Variants in ZNF160 observed in about 807,000 individuals in gnomAD.
ZNF160 encodes KRAB zinc finger protein KR18.
In ZNF160, 9 loss-of-function variants were observed where a neutral mutation model predicts 13.1. The ratio of observed to expected loss-of-function variants is 0.69; its 90% confidence interval spans 0.41 to 1.20. ZNF160 has a LOEUF of 1.20. ZNF160 is among the 50% of genes most tolerant of loss of function. The pLI, the probability that ZNF160 is intolerant of heterozygous loss-of-function variation, is 0.01. For missense variants in ZNF160, 838 were observed against 988.0 expected (o/e 0.85, Z 2.04); for synonymous variants, 293 against 333.2 (o/e 0.88, Z 1.31).
intron 1 of ZNF160, among the ~76,000 whole-genome samples, chr19:53,092,166 A>G (rs2085058872): frequency 6.6e-6 from 1 of 152,248 alleles, no homozygotes; most frequent in Admixed American, 6.5e-5. Context: ...CATAGATTAC[A>G]ATATTTAAAT....
rs950532331 is a variant in ZNF160, at chr19:53,071,207, A to T, written c.272-945T>A. ...CAAGACTCCGTCAAAAAATAAAAAT[A>T]AAAAAATTAGTTTGGCATGCTGGCA... On this transcript the variant is annotated intron_variant, in intron 5 of 5. Coordinates refer to ENST00000683776, the MANE Select transcript of ZNF160 (RefSeq NM_001322131.2). Among the ~76,000 whole-genome samples, 4 of 151,962 alleles carry T rather than the reference A, an allele frequency of 2.6e-5. 1 individual carries two copies. In the East Asian group the frequency reaches 7.7e-4, roughly 29 times the overall value.
chr19:53,078,613 G>GA (rs1421855231), intron 3 of ZNF160, among the ~76,000 whole-genome samples: 1 of 151,644 alleles, frequency 6.6e-6, no homozygotes, highest in African/African-American at 2.4e-5. Context: ...TGTCAAAAAA[G>GA]AAAAGAAAAG....
intron 1 of ZNF160, among the ~76,000 whole-genome samples, chr19:53,099,182 TAG>T (rs1330664509): frequency 2.0e-5 from 3 of 152,044 alleles, no homozygotes; most frequent in Non-Finnish European, 4.4e-5. Context: ...AGTAACGTGG[TAG>T]AGACTGACAG....
chr19:53,079,244 T>C (rs541216709), intron 3 of ZNF160, among the ~76,000 whole-genome samples: 2 of 152,200 alleles, frequency 1.3e-5, no homozygotes, highest in South Asian at 4.2e-4. Flanking sequence ...AAATTCAACA[T>C]AGTTCATGAT....
Position 53,069,373 on chromosome 19 carries a change from A to T in ZNF160, c.1161T>A (p.His387Gln), listed in dbSNP as rs1445035946. 6.2e-7 allele frequency: 1 copy of T among 1,614,064 alleles called. No homozygotes were observed. Among genetic ancestry groups the T allele is most frequent in the Admixed American group, 1.7e-5 (1 of 60,012 alleles). The change falls in exon 6 of 6, where the codon CAT becomes CAA. Residue 387 changes from histidine to glutamine, a missense_variant. By Grantham distance (24) the His-to-Gln change is conservative. Coordinates refer to ENST00000683776, the MANE Select transcript of ZNF160 (RefSeq NM_001322131.2). This position sits in a 1 kb window ranked among gnomAD's most constrained non-coding sequence, Gnocchi z 4.4. Reference sequence around the variant, plus strand: ...GTTTCTCTCCAGTGTGAATTCTCCAATGACTTATAAGGTGTGAATTTTGAG... The same window carrying T: ...GTTTCTCTCCAGTGTGAATTCTCCATTGACTTATAAGGTGTGAATTTTGAG... ...LFTQNSHLIS[H>Q]WRIHTGEKPY...
At chr19:53,076,352 A>T (rs967207661) in intron 3 of ZNF160, among the ~76,000 whole-genome samples, 5 of 152,334 alleles carry the variant, frequency 3.3e-5, no homozygotes, top group Admixed American at 2.6e-4. Context: ...TTAAGAAATG[A>T]TAATGCGGCC....
At chr19:53,087,869 C>A (rs1221699141) in intron 2 of ZNF160, among the ~76,000 whole-genome samples, 2 of 152,124 alleles carry the variant, frequency 1.3e-5, no homozygotes, top group African/African-American at 4.8e-5. Context: ...CACTTTTAGG[C>A]ATATGAAAAT....
intron 5 of ZNF160, chr19:53,073,010 A>T: frequency 1.8e-6 from 1 of 564,896 alleles, no homozygotes; most frequent in Non-Finnish European, 2.3e-6. Context: ...ACAAACTGAT[A>T]TTCTGTTATA....
At chr19:53,081,645 A>C (rs1283727248) in intron 3 of ZNF160, among the ~76,000 whole-genome samples, 1 of 152,192 alleles carries the variant, frequency 6.6e-6, no homozygotes, top group Non-Finnish European at 1.5e-5. Context: ...GAAAAAAGGA[A>C]ACACTTTTAC....
intron 3 of ZNF160, among the ~76,000 whole-genome samples, chr19:53,078,278 C>T (rs916066879): frequency 2.0e-5 from 3 of 151,686 alleles, no homozygotes; most frequent in Non-Finnish European, 2.9e-5. Context: ...GGTGTAGTGG[C>T]ATGAGCCTGT....
chr19:53,097,659 A>G (rs2146022186), intron 1 of ZNF160, among the ~76,000 whole-genome samples: 1 of 152,352 alleles, frequency 6.6e-6, no homozygotes, highest in African/African-American at 2.4e-5. Context: ...TGATGCAATT[A>G]GACCCCAACA....
intron 2 of ZNF160, among the ~76,000 whole-genome samples, chr19:53,087,072 G>A (rs1031129594): frequency 4.6e-5 from 7 of 152,352 alleles, no homozygotes; most frequent in African/African-American, 1.7e-4. Context: ...AGGAAGTGAT[G>A]TCAGAACAAA....
At chr19:53,074,669 C>A (rs866799335) in intron 4 of ZNF160, among the ~76,000 whole-genome samples, 76 of 123,378 alleles carry the variant, frequency 6.2e-4, no homozygotes, top group Admixed American at 1.4e-3. Flanking sequence ...GACTCCGCCT[C>A]AAAAAAAAAA....
In ZNF160 at chr19:53,069,605, T is replaced by A; in HGVS notation, c.929A>T (p.Glu310Val). 6.2e-7 allele frequency: 1 copy of A among 1,614,068 alleles called. No homozygotes were observed. The highest frequency in any genetic ancestry group is 8.5e-7 in the Non-Finnish European group (1 of 1,180,008). The change falls in exon 6 of 6, where the codon GAA (glutamate) becomes GTA (valine). Residue 310 changes from glutamate to valine, a missense_variant. Around this residue, in one of 3 missense-constraint regions of ZNF160, gnomAD observed 387 missense variants for 402.3 expected, o/e 0.96. Coordinates refer to ENST00000683776, the MANE Select transcript of ZNF160 (RefSeq NM_001322131.2). This position sits in a 1 kb window ranked among gnomAD's most constrained non-coding sequence, Gnocchi z 4.4. ...LTIHQVIHTG[E>V]KPYKCHECGK... ...ACACTCATGACATTTGTAAGGTTTT[T>A]CTCCAGTATGGATGACCTGATGAAT... is the stretch of plus-strand genomic sequence containing the variant.
chr19:53,073,057 C>T (rs1003747929), intron 5 of ZNF160: 2 of 728,300 alleles, frequency 2.7e-6, no homozygotes, highest in Non-Finnish European at 3.7e-6. Context: ...AAGCCTATTA[C>T]CATATAAGTC....
In ZNF160 at chr19:53,068,952, G is replaced by A; in HGVS notation, c.1582C>T (p.Gln528Ter). 6.2e-7 allele frequency: 1 copy of A among 1,613,110 alleles called. No homozygotes were observed. The highest frequency in any genetic ancestry group is 8.5e-7 in the Non-Finnish European group (1 of 1,179,748). Reference protein sequence around the residue: ...FSVRSSLTTHQAIHSGEKPYK... With the variant: ...FSVRSSLTTH ...GGTTTCTCTCCAGAATGGATTGCCT[G>A]ATGGGTAGTCAGACTTGAACGAACA... is the stretch of plus-strand genomic sequence containing the variant. Residue 528 changes from glutamine to a stop codon, truncating the protein, a stop_gained, in exon 6 of 6, where the codon CAG becomes TAG. Transcript: ENST00000683776. LOFTEE classifies it low-confidence loss of function (END_TRUNC).
At chr19:53,079,091 A>T (rs147403714) in intron 3 of ZNF160, among the ~76,000 whole-genome samples, 17 of 152,338 alleles carry the variant, frequency 1.1e-4, no homozygotes, top group Non-Finnish European at 1.9e-4. Flanking sequence ...TAACAGGATT[A>T]TAGTCCATGA....
At chr19:53,084,718 T>C (rs984425148) in intron 3 of ZNF160, among the ~76,000 whole-genome samples, 1 of 152,132 alleles carries the variant, frequency 6.6e-6, no homozygotes, top group Non-Finnish European at 1.5e-5. Context: ...TATCCCCGCA[T>C]TTTCATAATA....
At chr19:53,084,497 C>T (rs1332388390) in intron 3 of ZNF160, among the ~76,000 whole-genome samples, 1 of 152,154 alleles carries the variant, frequency 6.6e-6, no homozygotes, top group Admixed American at 6.6e-5. Flanking sequence ...GTGCTCCGGC[C>T]TCGCTCCAGC....
Sources: allele counts gnomAD v4.1 joint callset (sites outside exome capture counted in the v4.1 genomes callset), GRCh38; gene constraint gnomAD v4.1.1; regional missense constraint gnomAD v4.1.1; non-coding constraint Gnocchi (gnomAD v3.1); transcripts MANE v1.5; gene names NCBI Gene and HGNC (gene_info 2026-07-23, HGNC 2026-07-21).